AFAP1L2: variants seen among roughly 807,000 people sequenced by gnomAD.
AFAP1L2 encodes the protein actin filament-associated protein 1-like 2.
Under a neutral mutation model 99.3 loss-of-function variants are expected in AFAP1L2, and 46 were observed. That is an observed-to-expected ratio of 0.46 (90% CI 0.37 to 0.59). The LOEUF is 0.59. Ranked by LOEUF, AFAP1L2 falls within the 20% of genes least tolerant of loss-of-function variation. AFAP1L2 has a pLI of 0.00. For missense variants in AFAP1L2, 959 were observed against 1,034.9 expected, an observed-to-expected ratio of 0.93 and a Z score of 1.01; for synonymous variants, 397 against 419.1, an observed-to-expected ratio of 0.95 and a Z score of 0.64.
chr10:114,295,170 CTATTTATAT>C lies in AFAP1L2; in HGVS notation c.*863_*871del. On this transcript the variant is annotated 3_prime_UTR_variant, in exon 19 of 19. Transcript: ENST00000304129. ...ATTAAACAGAACTTAAAATCAGAGA[CTATTTATAT>C]TAAATAACTCTTCCCTTAAAAATGG... 1.0e-6 allele frequency: 1 copy of C among 985,688 alleles called. No homozygotes were observed. The highest frequency in any genetic ancestry group is 1.2e-6 in the Non-Finnish European group (1 of 829,794). The allele number at this position is 985,688 out of a possible 1,614,324, so 61.1% of individuals were successfully genotyped here. A position where few individuals can be genotyped will look rare whatever the true frequency, so the allele number is the denominator to read the frequency against.
At chr10:114,375,488 T>G (rs991730288) in intron 1 of AFAP1L2, among the ~76,000 whole-genome samples, 4 of 152,196 alleles carry the variant, frequency 2.6e-5, no homozygotes, top group South Asian at 2.1e-4. Flanking sequence ...AATACTTTAT[T>G]CCAATGCTTT....
chr10:114,320,834 C>A (rs538107139), intron 5 of AFAP1L2, among the ~76,000 whole-genome samples: 1 of 152,216 alleles, frequency 6.6e-6, no homozygotes, highest in Non-Finnish European at 1.5e-5. Flanking sequence ...GTGCTCACTG[C>A]GGTGAGTCAC....
At position 114,393,991 on chromosome 10, in the gene AFAP1L2, C is replaced by T. The variant is rs907136405; in HGVS notation, c.16+10449G>A. Among the ~76,000 whole-genome samples, 6 of 152,122 alleles carry T rather than the reference C, an allele frequency of 3.9e-5. No individual in the cohort carries two copies. In the East Asian group the frequency reaches 7.7e-4, roughly 20 times the overall value. On this transcript the variant is annotated intron_variant, in intron 1 of 18. Transcript: ENST00000304129. ...CTCAGTTCCAGGAGACTTGGGATGG[C>T]GGTGGGAGGAGCCCCTCACAGTGCA...
At chr10:114,301,312 G>A (rs753458747) in intron 13 of AFAP1L2, 42 bp downstream of exon 13, 2 of 1,497,720 alleles carry the variant, frequency 1.3e-6, no homozygotes, top group East Asian at 4.5e-5. Flanking sequence ...GGTAGGAGGA[G>A]GGCCTGGAGA....
chr10:114,299,565 T>G (rs558029789), intron 15 of AFAP1L2, 150 bp from the exon 16 acceptor site: 70 of 831,640 alleles, frequency 8.4e-5, no homozygotes, highest in Non-Finnish European at 1.2e-4. Flanking sequence ...CCTCTACCTC[T>G]CTGAACTTGT....
chr10:114,353,543 A>G (rs561855076), intron 1 of AFAP1L2, among the ~76,000 whole-genome samples: 4 of 152,372 alleles, frequency 2.6e-5, no homozygotes, highest in African/African-American at 9.6e-5. Context: ...AAGGGAGGCC[A>G]TGTGGTTCCA....
At chr10:114,286,281 G>C in the AFAP1L2 span, 13 of 1,610,668 alleles carry the variant, frequency 8.1e-6, no homozygotes, top group Admixed American at 1.5e-4. Context: ...CGGCCACGTA[G>C]AGTGGTGGTT....
the AFAP1L2 span, chr10:114,284,975 G>A: frequency 6.3e-7 from 1 of 1,586,748 alleles, no homozygotes; most frequent in East Asian, 2.3e-5. Flanking sequence ...ACTGTGGTAG[G>A]TATGCACCGG....
At chr10:114,404,848 G>A, upstream of AFAP1L2, 1 of 201,822 alleles carries the variant, frequency 5.0e-6, no homozygotes, top group Non-Finnish European at 9.9e-6. Context: ...CCGGGCTTGG[G>A]TGGGCCTCCA....
At chr10:114,337,712 T>G (rs1054792046) in intron 2 of AFAP1L2, among the ~76,000 whole-genome samples, 43 of 152,340 alleles carry the variant, frequency 2.8e-4, no homozygotes, top group Middle Eastern at 3.4e-3. Context: ...TAGGAGGCGC[T>G]GCCAGAGTGG....
chr10:114,301,218 C>T, intron 13 of AFAP1L2, 136 bp downstream of exon 13: 1 of 690,412 alleles, frequency 1.4e-6, no homozygotes, highest in Non-Finnish European at 2.5e-6. Context: ...GGTGTCTGCA[C>T]TACTGGCCTG....
intron 5 of AFAP1L2, among the ~76,000 whole-genome samples, chr10:114,317,324 C>T (rs910897856): frequency 2.0e-5 from 3 of 152,128 alleles, no homozygotes; most frequent in Non-Finnish European, 2.9e-5. Flanking sequence ...AGCCATGTGA[C>T]ACTACTTCTC....
At chr10:114,402,265 C>T (rs1013867095) in intron 1 of AFAP1L2, among the ~76,000 whole-genome samples, 1 of 152,156 alleles carries the variant, frequency 6.6e-6, no homozygotes, top group Non-Finnish European at 1.5e-5. Flanking sequence ...CAGAGATGGG[C>T]TTCATTTTGC....
At chr10:114,305,238 C>T (rs1005586094) in intron 10 of AFAP1L2, 20 of 32,744 alleles carry the variant, frequency 6.1e-4, no homozygotes, top group Non-Finnish European at 1.0e-3. Flanking sequence ...AAGGAGGGGG[C>T]GGGGCTGCGG....
chr10:114,319,472 C>G, intron 5 of AFAP1L2: 2 of 1,001,642 alleles, frequency 2.0e-6, no homozygotes, highest in South Asian at 1.4e-5. Context: ...AGGAAGAAGA[C>G]AGTGGCCACC....
At chr10:114,313,193 T>C (rs998273159) in intron 7 of AFAP1L2, among the ~76,000 whole-genome samples, 4 of 151,898 alleles carry the variant, frequency 2.6e-5, no homozygotes, top group Admixed American at 2.6e-4. Flanking sequence ...CTCACCAGGG[T>C]CCCTGCTGGG....
At chr10:114,289,186 G>A in the AFAP1L2 span, 4 of 1,613,548 alleles carry the variant, frequency 2.5e-6, no homozygotes, top group Middle Eastern at 1.6e-4. Context: ...CCTAGGTGGG[G>A]TGGGCTCAGC....
At chr10:114,322,980 A>G (rs2045616093) in intron 5 of AFAP1L2, among the ~76,000 whole-genome samples, 191 bp downstream of exon 5, 1 of 152,162 alleles carries the variant, frequency 6.6e-6, no homozygotes, top group Admixed American at 6.5e-5. Context: ...TTGGCTCCCC[A>G]TTCACACTAA....
chr10:114,389,012 G>GCCAA (rs1189780066), intron 1 of AFAP1L2, among the ~76,000 whole-genome samples: 2 of 152,198 alleles, frequency 1.3e-5, no homozygotes, highest in Non-Finnish European at 2.9e-5. Flanking sequence ...CACCACCAGT[G>GCCAA]CCAACCTCAG....
Sources: allele counts gnomAD v4.1 joint callset (sites outside exome capture counted in the v4.1 genomes callset), GRCh38; gene constraint gnomAD v4.1.1; transcripts MANE v1.5; gene names NCBI Gene and HGNC (gene_info 2026-07-23, HGNC 2026-07-21).